CTNNA2: variants seen among roughly 807,000 people sequenced by gnomAD.
The protein encoded by CTNNA2 is catenin alpha 2.
A neutral mutation model predicts 101.0 loss-of-function variants in CTNNA2; 42 were observed. That is an observed-to-expected ratio of 0.42 (90% CI 0.32 to 0.54). CTNNA2 has a LOEUF of 0.54. CTNNA2 is among the 20% of genes least tolerant of loss of function. The pLI is 0.14. For missense variants in CTNNA2, 871 were observed against 1,223.1 expected, an observed-to-expected ratio of 0.71 and a Z score of 4.29; for synonymous variants, 450 against 456.4, an observed-to-expected ratio of 0.99 and a Z score of 0.18.
chr2:80,451,602 A>G (rs1034729196), intron 9 of CTNNA2, among the ~76,000 whole-genome samples: 1 of 152,240 alleles, frequency 6.6e-6, no homozygotes, highest in Non-Finnish European at 1.5e-5. Flanking sequence ...GTCAAGAGAC[A>G]GTTGTGAGAA....
chr2:79,601,451 C>A (rs749189313), intron 1 of CTNNA2, among the ~76,000 whole-genome samples: 10 of 152,200 alleles, frequency 6.6e-5, no homozygotes, highest in Non-Finnish European at 1.3e-4. Context: ...TACTCTGCAA[C>A]TGGCATTGGT....
Position 80,024,524 on chromosome 2 carries a change from A to C in CTNNA2, c.1056+114727A>C, listed in dbSNP as rs115489413. On this transcript the variant is annotated intron_variant, in intron 7 of 18. Transcript: ENST00000402739. ...CCATCTGCAGGATTCCTGAAGGCTC[A>C]TTTGCTTAGCCTGCAGCTCTGAACC... 9.9e-3 allele frequency among the ~76,000 whole-genome samples: 1,509 copies of C among 152,318 alleles called. 23 individuals are homozygous for C. The highest frequency in any genetic ancestry group is 0.035 in the African/African-American group (1,435 of 41,578).
intron 7 of CTNNA2, among the ~76,000 whole-genome samples, chr2:79,931,561 T>G (rs1038568337): frequency 2.0e-5 from 3 of 152,196 alleles, no homozygotes; most frequent in Admixed American, 6.5e-5. Flanking sequence ...TTCAACAAGA[T>G]ATGTACAATA....
At chr2:79,628,854 C>T (rs1033893436) in intron 1 of CTNNA2, among the ~76,000 whole-genome samples, 3 of 152,126 alleles carry the variant, frequency 2.0e-5, no homozygotes, top group Admixed American at 1.3e-4. Context: ...TTTCCTTTTT[C>T]TTCACCACTC....
intron 7 of CTNNA2, among the ~76,000 whole-genome samples, chr2:80,251,636 A>T (rs1371551059): frequency 3.3e-5 from 5 of 152,194 alleles, no homozygotes; most frequent in Admixed American, 2.0e-4. Context: ...CCACGATCTG[A>T]TCCATTTGGC....
At chr2:79,900,496 T>A (rs1180150792) in intron 6 of CTNNA2, among the ~76,000 whole-genome samples, 3 of 152,208 alleles carry the variant, frequency 2.0e-5, no homozygotes, top group Admixed American at 2.0e-4. Flanking sequence ...CAGCATGAAG[T>A]CCTAAGCTAA....
At chr2:79,435,049 T>A (rs955919095) in intron 4 of CTNNA2, among the ~76,000 whole-genome samples, 4 of 152,126 alleles carry the variant, frequency 2.6e-5, no homozygotes, top group Admixed American at 6.5e-5. Flanking sequence ...TACATTCTAC[T>A]TGTATTTTCC....
chr2:80,029,845 G>A (rs1336993381), intron 7 of CTNNA2, among the ~76,000 whole-genome samples: 1 of 152,100 alleles, frequency 6.6e-6, no homozygotes, highest in African/African-American at 2.4e-5. Flanking sequence ...CACAACAAGT[G>A]TTTAAATACA....
intron 7 of CTNNA2, among the ~76,000 whole-genome samples, chr2:80,349,090 C>T (rs569844864): frequency 2.3e-4 from 35 of 152,288 alleles, no homozygotes; most frequent in African/African-American, 8.2e-4. Context: ...AGGCACTTAA[C>T]AAAGCAGTGA....
intron 7 of CTNNA2, among the ~76,000 whole-genome samples, chr2:80,046,286 G>A (rs1696519052): frequency 6.6e-6 from 1 of 152,144 alleles, no homozygotes; most frequent in Admixed American, 6.5e-5. Context: ...CTGGTCACCA[G>A]CCCAAGAGAG....
intron 2 of CTNNA2, among the ~76,000 whole-genome samples, chr2:79,210,282 G>A (rs1434785903): frequency 6.6e-6 from 1 of 151,906 alleles, no homozygotes; most frequent in Non-Finnish European, 1.5e-5. Flanking sequence ...AAGGATTTGA[G>A]GGAACAGCTT....
chr2:79,914,046 G>A lies in CTNNA2; in HGVS notation c.1056+4249G>A, dbSNP rs368716617. On this transcript the variant is annotated intron_variant, in intron 7 of 18. Transcript: ENST00000402739. ...GCCGGGCGTAGTGGCGGGCGCCTGT[G>A]GTCCCAGCTACTCGGGAGGCTGAGG... is the stretch of plus-strand genomic sequence containing the variant. Among the ~76,000 whole-genome samples, 1,051 of 147,730 alleles carry A rather than the reference G, an allele frequency of 7.1e-3. 14 individuals carry two copies. Among genetic ancestry groups the A allele is most frequent in the African/African-American group, 0.02 (816 of 41,052 alleles).
intron 2 of CTNNA2, among the ~76,000 whole-genome samples, chr2:79,680,032 A>G (rs1683452211): frequency 6.6e-6 from 1 of 152,146 alleles, no homozygotes; most frequent in Middle Eastern, 3.2e-3. Context: ...GGGGATGAGC[A>G]GCAAGAGAGG....
At chr2:80,205,956 A>T (rs1363692706) in intron 7 of CTNNA2, among the ~76,000 whole-genome samples, 1 of 152,202 alleles carries the variant, frequency 6.6e-6, no homozygotes, top group Non-Finnish European at 1.5e-5. Flanking sequence ...TTTATAAAGC[A>T]CTTTATATAG....
At chr2:80,084,559 C>T (rs993279408) in intron 7 of CTNNA2, among the ~76,000 whole-genome samples, 28 of 151,960 alleles carry the variant, frequency 1.8e-4, no homozygotes, top group Admixed American at 8.5e-4. Context: ...AAGAAAACTT[C>T]GGGAATTATA....
At chr2:79,613,975 G>A (rs1573479555) in intron 1 of CTNNA2, among the ~76,000 whole-genome samples, 1 of 152,310 alleles carries the variant, frequency 6.6e-6, no homozygotes, top group East Asian at 1.9e-4. Context: ...GCCAGCATGT[G>A]CTAGGCCTGG....
At chr2:79,227,968 G>A (rs929892514) in intron 2 of CTNNA2, among the ~76,000 whole-genome samples, 2 of 152,102 alleles carry the variant, frequency 1.3e-5, no homozygotes, top group Non-Finnish European at 2.9e-5. Context: ...TACATTCAAT[G>A]TTTAACTCCC....
intron 4 of CTNNA2, among the ~76,000 whole-genome samples, chr2:79,377,090 A>C (rs1172691297): frequency 1.3e-4 from 20 of 151,662 alleles, no homozygotes; most frequent in Non-Finnish European, 2.4e-4. Flanking sequence ...GAACTAGTTT[A>C]CAGTCCCACC....
Position 79,888,064 on chromosome 2 carries a change from A to G in CTNNA2, c.852+13722A>G, listed in dbSNP as rs148654492. On this transcript the variant is annotated intron_variant, in intron 6 of 18. Coordinates refer to ENST00000402739, the MANE Select transcript of CTNNA2 (RefSeq NM_001282597.3). ...ATGCAAATATGGACAGTGTGTAGTC[A>G]TCCGTCAAAAAGTGTTTAGTCTACC... 3.5e-3 allele frequency among the ~76,000 whole-genome samples: 537 copies of G among 152,290 alleles called. 2 individuals carry two copies. The highest frequency in any genetic ancestry group is 0.012 in the African/African-American group (506 of 41,560).
Sources: gnomAD v4.1 joint callset for allele counts (sites outside exome capture counted in the v4.1 genomes callset) on GRCh38, gnomAD v4.1.1 for gene constraint, MANE v1.5 for transcripts, NCBI Gene and HGNC (gene_info 2026-07-23, HGNC 2026-07-21) for gene names.